SPAG16: variants seen among roughly 807,000 people sequenced by gnomAD.
SPAG16 encodes the protein sperm associated antigen 16.
In SPAG16, 86 loss-of-function variants were observed where a neutral mutation model predicts 80.4. The observed-to-expected ratio is 1.07, with a 90% CI of 0.90 to 1.28. The LOEUF (loss-of-function observed/expected upper bound fraction) is 1.28, where lower values mean the gene tolerates loss of function less well. SPAG16 is among the 50% of genes most tolerant of loss of function. SPAG16 has a pLI of 0.00. For missense variants in SPAG16, 870 were observed against 765.3 expected (o/e 1.14, Z -1.61); for synonymous variants, 294 against 265.9 (o/e 1.11, Z -1.03).
intron 7 of SPAG16, among the ~76,000 whole-genome samples, chr2:213,357,532 A>G (rs1359707569): frequency 6.6e-6 from 1 of 151,352 alleles, no homozygotes; most frequent in Non-Finnish European, 1.5e-5. Flanking sequence ...GTCTCTTTTG[A>G]TATTTGTTGG....
chr2:214,213,996 G>A (rs1440597984), intron 15 of SPAG16, among the ~76,000 whole-genome samples: 2 of 152,028 alleles, frequency 1.3e-5, no homozygotes, highest in African/African-American at 4.8e-5. Flanking sequence ...TCTATTTATA[G>A]TGCCTTTTGT....
chr2:214,351,345 G>A (rs1233648440), intron 15 of SPAG16, among the ~76,000 whole-genome samples: 3 of 151,996 alleles, frequency 2.0e-5, no homozygotes, highest in Non-Finnish European at 2.9e-5. Context: ...TCAATTATAT[G>A]CCTTCATGGT....
At chr2:214,010,809 A>C (rs906763280) in intron 12 of SPAG16, among the ~76,000 whole-genome samples, 7 of 146,610 alleles carry the variant, frequency 4.8e-5, no homozygotes, top group Non-Finnish European at 3.0e-5. Flanking sequence ...TACAGATCAA[A>C]ATATGTGATG....
At chr2:213,447,942 G>T (rs1445708022) in intron 9 of SPAG16, among the ~76,000 whole-genome samples, 1 of 152,190 alleles carries the variant, frequency 6.6e-6, no homozygotes, top group Admixed American at 6.5e-5. Context: ...ATTCTCAAAA[G>T]ATCTAAGAGA....
chr2:213,412,990 A>G (rs1361405453), intron 9 of SPAG16, among the ~76,000 whole-genome samples: 1 of 152,170 alleles, frequency 6.6e-6, no homozygotes, highest in African/African-American at 2.4e-5. Flanking sequence ...TCTACATACT[A>G]TGTATAATGT....
At chr2:213,997,116 G>A (rs1032390796) in intron 12 of SPAG16, among the ~76,000 whole-genome samples, 5 of 152,066 alleles carry the variant, frequency 3.3e-5, no homozygotes, top group Admixed American at 3.3e-4. Flanking sequence ...GCTGACTTAG[G>A]AAGTTCAAGC....
chr2:213,518,772 G>T (rs1168757019), intron 10 of SPAG16, among the ~76,000 whole-genome samples: 1 of 152,228 alleles, frequency 6.6e-6, no homozygotes, highest in Admixed American at 6.5e-5. Context: ...ACATGCATTT[G>T]CATGTTAATT....
chr2:213,802,716 T>TAA (rs2071495273), intron 10 of SPAG16, among the ~76,000 whole-genome samples: 2 of 152,162 alleles, frequency 1.3e-5, no homozygotes, highest in South Asian at 4.1e-4. Context: ...TTAAGAAGAA[T>TAA]AAAATATATA....
intron 15 of SPAG16, among the ~76,000 whole-genome samples, chr2:214,168,781 C>G (rs747056696): frequency 2.0e-5 from 3 of 152,004 alleles, no homozygotes; most frequent in Non-Finnish European, 4.4e-5. Context: ...AACGCTGAAT[C>G]GATTACCTGA....
intron 14 of SPAG16, among the ~76,000 whole-genome samples, chr2:214,133,150 G>A (rs1012964028): frequency 4.0e-5 from 6 of 150,192 alleles, no homozygotes; most frequent in Non-Finnish European, 7.4e-5. Flanking sequence ...CCTACCATTA[G>A]CATAGAGCAA....
At position 213,375,558 on chromosome 2, in the gene SPAG16, C is replaced by T. The variant is rs955233763; in HGVS notation, c.942+439C>T. On this transcript the variant is annotated intron_variant, in intron 9 of 15. Transcript: ENST00000331683. The stretch of plus-strand genomic sequence containing the variant: ...TCTCTTTATATCTTGAGTACCTTCA[C>T]TTTGTAATCAGACTGGTAGTTTAAA... Among the ~76,000 whole-genome samples, 4 of 152,016 alleles carry T rather than the reference C, an allele frequency of 2.6e-5. No homozygotes were observed. In the East Asian group the frequency reaches 7.7e-4, roughly 29 times the overall value.
At chr2:214,021,177 T>A (rs181320463) in intron 13 of SPAG16, among the ~76,000 whole-genome samples, 1 of 152,294 alleles carries the variant, frequency 6.6e-6, no homozygotes, top group Non-Finnish European at 1.5e-5. Context: ...TGCTAAAAAA[T>A]TGTGAAATTT....
At chr2:214,109,936 G>C (rs755249634) in intron 14 of SPAG16, among the ~76,000 whole-genome samples, 35 of 152,108 alleles carry the variant, frequency 2.3e-4, no homozygotes, top group South Asian at 4.1e-4. Flanking sequence ...ATAATATTTT[G>C]TAAATCAGGC....
At chr2:213,345,289 C>T (rs1170443155) in intron 6 of SPAG16, among the ~76,000 whole-genome samples, 2 of 134,338 alleles carry the variant, frequency 1.5e-5, no homozygotes, top group African/African-American at 6.0e-5. Context: ...AGCCCTTTGT[C>T]AGATGAGTAG....
At chr2:213,862,398 G>A (rs186645848) in intron 10 of SPAG16, 87 bp from the exon 11 acceptor site, 83 of 1,520,730 alleles carry the variant, frequency 5.5e-5, no homozygotes, top group East Asian at 3.4e-4. Flanking sequence ...TGCTAAAATC[G>A]GATAATCACT....
chr2:214,118,025 T>G (rs904849870), intron 14 of SPAG16, among the ~76,000 whole-genome samples: 1 of 152,068 alleles, frequency 6.6e-6, no homozygotes, highest in East Asian at 1.9e-4. Context: ...CAAAAAGAAA[T>G]AACGCGCATC....
chr2:214,222,110 C>CTTTTTGTTTTTTT (rs2058588267), intron 15 of SPAG16, among the ~76,000 whole-genome samples: 1 of 103,628 alleles, frequency 9.6e-6, no homozygotes, highest in Non-Finnish European at 1.8e-5. Flanking sequence ...CCTTGCTATT[C>CTTTTTGTTTTTTT]TTTTTTTTTT....
At chr2:214,202,030 A>G (rs2058022845) in intron 15 of SPAG16, among the ~76,000 whole-genome samples, 1 of 152,038 alleles carries the variant, frequency 6.6e-6, no homozygotes, top group Admixed American at 6.6e-5. Flanking sequence ...AATTTTGTGT[A>G]GAAATGGGGT....
At chr2:213,506,177 T>C (rs1398873479) in intron 10 of SPAG16, among the ~76,000 whole-genome samples, 1 of 152,078 alleles carries the variant, frequency 6.6e-6, no homozygotes, top group African/African-American at 2.4e-5. Flanking sequence ...ATTTAAGTGC[T>C]TAATTTAAGG....
Sources: allele counts gnomAD v4.1 joint callset (sites outside exome capture counted in the v4.1 genomes callset), GRCh38; gene constraint gnomAD v4.1.1; transcripts MANE v1.5; gene names NCBI Gene and HGNC (gene_info 2026-07-23, HGNC 2026-07-21).